Variants in MEI4 observed in about 807,000 individuals in gnomAD.
MEI4 encodes the protein meiotic double-stranded break formation protein 4, also known as meiosis-specific protein MEI4.
Under a neutral mutation model 31.4 loss-of-function variants are expected in MEI4, and 27 were observed. The observed-to-expected ratio is 0.86, with a 90% CI of 0.63 to 1.19. The LOEUF (loss-of-function observed/expected upper bound fraction) is 1.19. Ranked by LOEUF, MEI4 falls within the 50% of genes most tolerant of loss-of-function variation. MEI4 has a pLI of 0.00. For synonymous variants in MEI4, 122 were observed against 145.4 expected (o/e 0.84, Z 1.16); for missense variants, 329 against 398.9 (o/e 0.82, Z 1.49).
At chr6:77,851,427 C>T (rs185298954) in intron 4 of MEI4, among the ~76,000 whole-genome samples, 337 of 152,168 alleles carry the variant, frequency 2.2e-3, no homozygotes, top group African/African-American at 7.4e-3. Flanking sequence ...AAATGTGGCA[C>T]ATATACACCA....
At chr6:77,668,976 AATG>A (rs1768687653) in intron 1 of MEI4, among the ~76,000 whole-genome samples, 1 of 152,168 alleles carries the variant, frequency 6.6e-6, no homozygotes. Flanking sequence ...GTGACAAAAG[AATG>A]ATGATGAATT....
chr6:77,867,653 G>T lies in MEI4; in HGVS notation c.900+38591G>T, dbSNP rs1041210626. ...ACTAGTTCAACCATTGTGGAAGTCA[G>T]TGTGGCAATTCCTCAGGGGTCTAGA... On this transcript the variant is annotated intron_variant, in intron 4 of 4. Coordinates refer to ENST00000684080, the MANE Select transcript of MEI4 (RefSeq NM_001322247.2). Among the ~76,000 whole-genome samples the T allele has an allele frequency of 2.0e-5, 3 of 152,190 alleles. No homozygotes were observed. The East Asian group carries it at 5.8e-4, about 29-fold the overall frequency.
At position 77,847,594 on chromosome 6, in the gene MEI4, T is replaced by C. The variant is rs555352252; in HGVS notation, c.900+18532T>C. ...TGTTCAGAATAATTTTCTGATGCAA[T>C]CGAAACCTAATGCCTTCTATGAAGA... On this transcript the variant is annotated intron_variant, in intron 4 of 4. Transcript: ENST00000684080. The surrounding 1 kb of genome is among the most constrained non-coding windows in gnomAD (Gnocchi z 4.6). Among the ~76,000 whole-genome samples, 28 of 152,260 alleles carry C rather than the reference T, an allele frequency of 1.8e-4. No homozygotes were observed. Among genetic ancestry groups the C allele is most frequent in the Admixed American group, 1.5e-3 (23 of 15,284 alleles).
chr6:77,921,893 C>A (rs984999488), intron 4 of MEI4, among the ~76,000 whole-genome samples: 1 of 151,570 alleles, frequency 6.6e-6, no homozygotes, highest in African/African-American at 2.4e-5. Context: ...TCATGGATGA[C>A]TGATTGCAGA....
intron 3 of MEI4, among the ~76,000 whole-genome samples, chr6:77,784,527 T>G (rs1582138236): frequency 6.6e-6 from 1 of 152,154 alleles, no homozygotes; most frequent in Non-Finnish European, 1.5e-5. Context: ...TCTATGAACA[T>G]GAGACTTCAT....
At chr6:77,884,823 AATTG>A (rs1309122997) in intron 4 of MEI4, among the ~76,000 whole-genome samples, 17 of 152,084 alleles carry the variant, frequency 1.1e-4, no homozygotes, top group African/African-American at 3.9e-4. Context: ...CTAAGGATTG[AATTG>A]ATTATTTGGG....
intron 4 of MEI4, among the ~76,000 whole-genome samples, chr6:77,866,130 A>G (rs1274346372): frequency 6.6e-6 from 1 of 151,992 alleles, no homozygotes; most frequent in African/African-American, 2.4e-5. Flanking sequence ...ATCATACTGA[A>G]TGGGCAAAAA....
At chr6:77,862,972 A>C (rs931001948) in intron 4 of MEI4, among the ~76,000 whole-genome samples, 4 of 152,172 alleles carry the variant, frequency 2.6e-5, no homozygotes, top group Non-Finnish European at 5.9e-5. Flanking sequence ...CAGGGTCTGG[A>C]GTGGACCTCC....
chr6:77,850,863 G>A (rs1770599479), intron 4 of MEI4, among the ~76,000 whole-genome samples: 2 of 152,080 alleles, frequency 1.3e-5, no homozygotes, highest in Non-Finnish European at 2.9e-5. Flanking sequence ...TACAGAATGG[G>A]AGAAAATTTC....
intron 3 of MEI4, among the ~76,000 whole-genome samples, chr6:77,795,418 G>A (rs149002502): frequency 1.3e-5 from 2 of 151,922 alleles, no homozygotes; most frequent in African/African-American, 4.8e-5. Context: ...CAAGCCTTTT[G>A]TCCTACCTAC....
chr6:77,735,834 A>G (rs1013696014), intron 2 of MEI4, among the ~76,000 whole-genome samples: 34 of 151,924 alleles, frequency 2.2e-4, no homozygotes, highest in South Asian at 1.2e-3. Flanking sequence ...CTTTCTGTTT[A>G]TTAGTTTTCC....
intron 3 of MEI4, among the ~76,000 whole-genome samples, chr6:77,789,459 T>C (rs1768850445): frequency 6.6e-6 from 1 of 151,962 alleles, no homozygotes; most frequent in Admixed American, 6.6e-5. Flanking sequence ...ACCATCAGAG[T>C]GAACAGGCAA....
intron 4 of MEI4, among the ~76,000 whole-genome samples, chr6:77,837,546 C>G (rs1197791547): frequency 6.6e-6 from 1 of 152,162 alleles, no homozygotes; most frequent in Non-Finnish European, 1.5e-5. Context: ...AGTGGATTAA[C>G]TGTGGTCTAT....
At chr6:77,830,681 A>C (rs1770056713) in intron 4 of MEI4, among the ~76,000 whole-genome samples, 1 of 152,042 alleles carries the variant, frequency 6.6e-6, no homozygotes, top group Admixed American at 6.6e-5. Context: ...AATTGGTGCC[A>C]GGAAAACTGG....
chr6:77,880,576 C>A (rs1272744424), intron 4 of MEI4, among the ~76,000 whole-genome samples: 2 of 151,996 alleles, frequency 1.3e-5, no homozygotes, highest in Admixed American at 6.6e-5. Flanking sequence ...TTAAGTTAAA[C>A]ATAAAAGTAT....
At chr6:77,773,593 C>A (rs1768367968) in intron 3 of MEI4, among the ~76,000 whole-genome samples, 1 of 151,986 alleles carries the variant, frequency 6.6e-6, no homozygotes, top group Non-Finnish European at 1.5e-5. Context: ...AACTTTCCAG[C>A]ACATTGGTCT....
At chr6:77,696,812 A>G (rs1248384369) in intron 2 of MEI4, among the ~76,000 whole-genome samples, 1 of 151,866 alleles carries the variant, frequency 6.6e-6, no homozygotes, top group South Asian at 2.1e-4. Flanking sequence ...CTCTTTTTCT[A>G]TTGATTGGAA....
intron 4 of MEI4, among the ~76,000 whole-genome samples, chr6:77,920,112 C>T (rs987843476): frequency 6.7e-6 from 1 of 150,038 alleles, no homozygotes; most frequent in African/African-American, 2.5e-5. Flanking sequence ...CTATTCCAAT[C>T]AATAGAAAAA....
chr6:77,886,562 C>G (rs1458172837), intron 4 of MEI4, among the ~76,000 whole-genome samples: 1 of 152,032 alleles, frequency 6.6e-6, no homozygotes, highest in East Asian at 1.9e-4. Context: ...TCCCAAGTAG[C>G]TGGAATTACA....
Sources: gnomAD v4.1 joint callset for allele counts (sites outside exome capture counted in the v4.1 genomes callset) on GRCh38, gnomAD v4.1.1 for gene constraint, Gnocchi (gnomAD v3.1) non-coding constraint, MANE v1.5 for transcripts, NCBI Gene and HGNC (gene_info 2026-07-23, HGNC 2026-07-21) for gene names.